The following DHRSX variants were observed in gnomAD, a reference collection of about 807,000 sequenced individuals.
The protein encoded by DHRSX is dehydrogenase/reductase X-linked.
DHRSX carries 31 observed loss-of-function variants against 34.0 expected under a neutral mutation model. The ratio of observed to expected loss-of-function variants is 0.91; its 90% CI spans 0.69 to 1.23. The LOEUF is 1.23. Ranked by LOEUF, DHRSX falls within the 50% of genes most tolerant of loss-of-function variation. DHRSX has a pLI of 0.00. For synonymous variants in DHRSX, 201 were observed against 183.8 expected (o/e 1.09, Z -0.76); for missense variants, 414 against 428.1 (o/e 0.97, Z 0.29).
At chrX:2,221,328 T>C in intron 6 of DHRSX, 99 bp from the exon 7 acceptor site, 3 of 1,228,474 alleles carry the variant, frequency 2.4e-6, no homozygotes, top group South Asian at 2.9e-5. Context: ...AGGTGGAATA[T>C]ACTCATCAGC....
chrX:2,398,413 C>T (rs1237106096), intron 3 of DHRSX, among the ~76,000 whole-genome samples: 1 of 152,072 alleles, frequency 6.6e-6, no homozygotes, highest in Non-Finnish European at 1.5e-5. Flanking sequence ...CTGTGCCTGT[C>T]ATCCCAGCAC....
At chrX:2,238,750 A>ATT (rs71301238) in intron 6 of DHRSX, among the ~76,000 whole-genome samples, 3 of 144,752 alleles carry the variant, frequency 2.1e-5, no homozygotes, top group Non-Finnish European at 3.0e-5. Context: ...CACTCGGCTA[A>ATT]TTTTTTTTTT....
At chrX:2,393,352 GTGTTGACGCCTCCCA>G (rs1277575951) in intron 3 of DHRSX, among the ~76,000 whole-genome samples, 1 of 152,014 alleles carries the variant, frequency 6.6e-6, no homozygotes, top group African/African-American at 2.4e-5. Context: ...CATGAAATGT[GTGTTGACGCCTCCCA>G]TCTCCTGTGC....
At chrX:2,482,618 A>C (rs2044791510) in intron 1 of DHRSX, among the ~76,000 whole-genome samples, 1 of 152,132 alleles carries the variant, frequency 6.6e-6, no homozygotes, top group South Asian at 2.1e-4. Flanking sequence ...TCTTTCCCTC[A>C]AGAATTTAAA....
intron 3 of DHRSX, among the ~76,000 whole-genome samples, chrX:2,347,061 T>C (rs1299358426): frequency 6.6e-6 from 1 of 152,178 alleles, no homozygotes; most frequent in Non-Finnish European, 1.5e-5. Context: ...AAATAGTATT[T>C]GATATAGATA....
intron 3 of DHRSX, among the ~76,000 whole-genome samples, chrX:2,296,278 G>T (rs1383286911): frequency 6.6e-6 from 1 of 152,208 alleles, no homozygotes; most frequent in Admixed American, 6.5e-5. Flanking sequence ...AAGGGAAGAT[G>T]TATGGGAGCT....
At chrX:2,237,507 ATT>A (rs778834876) in intron 6 of DHRSX, among the ~76,000 whole-genome samples, 12 of 138,376 alleles carry the variant, frequency 8.7e-5, no homozygotes, top group Admixed American at 2.2e-4. Flanking sequence ...ATAGCTTTCT[ATT>A]TTTTTTTTTT....
chrX:2,224,656 G>A (rs961318599), intron 6 of DHRSX, among the ~76,000 whole-genome samples: 46 of 151,914 alleles, frequency 3.0e-4, no homozygotes, highest in African/African-American at 9.9e-4. Context: ...ATGCTGACAT[G>A]CACACATACA....
intron 1 of DHRSX, among the ~76,000 whole-genome samples, chrX:2,475,430 G>A (rs1407067710): frequency 6.7e-6 from 1 of 148,244 alleles, no homozygotes; most frequent in Non-Finnish European, 1.5e-5. Flanking sequence ...ACTGAAGACA[G>A]TCCCTAAGCA....
intron 3 of DHRSX, among the ~76,000 whole-genome samples, chrX:2,339,528 C>A (rs1472510513): frequency 6.6e-6 from 1 of 152,034 alleles, no homozygotes; most frequent in East Asian, 1.9e-4. Context: ...AGTCTTTTAT[C>A]CCTCGCTGCC....
intron 3 of DHRSX, among the ~76,000 whole-genome samples, chrX:2,343,312 G>A (rs2042663182): frequency 6.6e-6 from 1 of 152,178 alleles, no homozygotes; most frequent in Admixed American, 6.6e-5. Context: ...TAACTGTCAA[G>A]TGACATTTCA....
chrX:2,301,829 G>A (rs1369315790), intron 3 of DHRSX, among the ~76,000 whole-genome samples: 1 of 152,042 alleles, frequency 6.6e-6, no homozygotes, highest in Admixed American at 6.6e-5. Flanking sequence ...GTAGAGACAG[G>A]GTTTCACCAT....
At position 2,243,076 on chromosome X, in the gene DHRSX, C is replaced by T. The variant is rs1222637756; in HGVS notation, c.751G>A (p.Val251Met). The T allele has an allele frequency of 1.2e-5, 20 of 1,613,854 alleles. No individual in the cohort carries two copies. Among genetic ancestry groups the T allele is most frequent in the Non-Finnish European group, 1.6e-5 (19 of 1,179,830 alleles). ...TTCGCCAGACGGGTGGCCCAGAACA[C>T]GTGCTTGTAGACGTCCGTGTTGACC... Reference protein sequence around the residue: ...GVVNTDVYKHVFWATRLAKKL... With the variant: ...GVVNTDVYKHMFWATRLAKKL... The change falls in exon 6 of 7, where the codon GTG (valine) becomes ATG (methionine). Residue 251 changes from valine (V) to methionine (M), a missense_variant. Val to Met is a conservative substitution (Grantham distance 21, BLOSUM62 1). Coordinates refer to ENST00000334651, the MANE Select transcript of DHRSX (RefSeq NM_145177.3).
At chrX:2,483,176 T>C (rs1315851662) in intron 1 of DHRSX, among the ~76,000 whole-genome samples, 2 of 151,964 alleles carry the variant, frequency 1.3e-5, no homozygotes, top group African/African-American at 4.8e-5. Context: ...GCCTCGACTT[T>C]CCGGGCTCCA....
intron 1 of DHRSX, among the ~76,000 whole-genome samples, chrX:2,442,710 G>A (rs1455861173): frequency 6.6e-6 from 1 of 152,062 alleles, no homozygotes; most frequent in East Asian, 1.9e-4. Context: ...ATGTAATCAA[G>A]TACCATCTTC....
At chrX:2,441,609 C>G (rs2044063339) in intron 1 of DHRSX, among the ~76,000 whole-genome samples, 1 of 152,110 alleles carries the variant, frequency 6.6e-6, no homozygotes, top group South Asian at 2.1e-4. Flanking sequence ...AAGGTGGATT[C>G]CAGATAGAAT....
At chrX:2,446,693 C>T (rs1450246785) in intron 1 of DHRSX, among the ~76,000 whole-genome samples, 1 of 151,676 alleles carries the variant, frequency 6.6e-6, no homozygotes, top group African/African-American at 2.4e-5. Context: ...GGACCACCGC[C>T]ATGTACTCAC....
chrX:2,386,781 G>A (rs2043277459), intron 3 of DHRSX, among the ~76,000 whole-genome samples: 1 of 151,510 alleles, frequency 6.6e-6, no homozygotes, highest in Non-Finnish European at 1.5e-5. Flanking sequence ...TCCAATTCAT[G>A]CTAATCTGTC....
intron 3 of DHRSX, among the ~76,000 whole-genome samples, chrX:2,345,304 G>A (rs1339486823): frequency 1.3e-5 from 2 of 151,984 alleles, no homozygotes. Context: ...TTGAGTAAAG[G>A]AATTGGTGGG....
Sources: gnomAD v4.1 joint callset for allele counts (sites outside exome capture counted in the v4.1 genomes callset) on GRCh38, gnomAD v4.1.1 for gene constraint, MANE v1.5 for transcripts, NCBI Gene and HGNC (gene_info 2026-07-23, HGNC 2026-07-21) for gene names.